CCSER1: variants seen among roughly 807,000 people sequenced by gnomAD.
CCSER1 encodes coiled-coil serine rich protein 1.
CCSER1 carries 41 observed loss-of-function variants against 82.0 expected under a neutral mutation model. That is an observed-to-expected ratio of 0.50 (90% CI 0.39 to 0.65). CCSER1 has a LOEUF of 0.65. CCSER1 is among the 30% of genes least tolerant of loss of function. The pLI is 0.00. For missense variants in CCSER1, 1,119 were observed against 1,064.2 expected (o/e 1.05, Z -0.72); for synonymous variants, 414 against 383.9 (o/e 1.08, Z -0.92).
chr4:90,975,840 C>T (rs1735564337), intron 9 of CCSER1, among the ~76,000 whole-genome samples: 1 of 150,962 alleles, frequency 6.6e-6, no homozygotes, highest in Non-Finnish European at 1.5e-5. Context: ...TTTTCTAATA[C>T]AAAATACTCA....
At chr4:91,449,676 A>G (rs989753863) in intron 10 of CCSER1, among the ~76,000 whole-genome samples, 1 of 152,016 alleles carries the variant, frequency 6.6e-6, no homozygotes, top group East Asian at 1.9e-4. Context: ...ATCACTTTTC[A>G]GTCCCTAATA....
chr4:90,875,529 T>G (rs2150048900), intron 8 of CCSER1, among the ~76,000 whole-genome samples: 1 of 152,330 alleles, frequency 6.6e-6, no homozygotes, highest in South Asian at 2.1e-4. Context: ...TGATGCTCTT[T>G]TAAAACCTGA....
At chr4:90,436,659 CA>C (rs1245267743) in intron 4 of CCSER1, among the ~76,000 whole-genome samples, 2 of 151,940 alleles carry the variant, frequency 1.3e-5, no homozygotes, top group Admixed American at 6.6e-5. Context: ...GTTTATATCA[CA>C]AAAAATTGAT....
intron 9 of CCSER1, among the ~76,000 whole-genome samples, chr4:91,077,314 T>A (rs1016566568): frequency 2.0e-5 from 3 of 152,164 alleles, no homozygotes; most frequent in Non-Finnish European, 4.4e-5. Context: ...CACAGGTAAC[T>A]TAACTGCCTG....
chr4:90,155,766 C>T (rs1200671779), intron 1 of CCSER1, among the ~76,000 whole-genome samples: 4 of 151,876 alleles, frequency 2.6e-5, no homozygotes, highest in East Asian at 3.9e-4. Flanking sequence ...TCTCTTTTTT[C>T]TTCTTTATTA....
intron 1 of CCSER1, among the ~76,000 whole-genome samples, chr4:90,245,516 C>T (rs1721266433): frequency 6.6e-6 from 1 of 152,010 alleles, no homozygotes; most frequent in African/African-American, 2.4e-5. Context: ...TTATAACAGC[C>T]CATTGTTAGT....
chr4:90,424,311 A>G (rs1448715941), intron 4 of CCSER1, among the ~76,000 whole-genome samples: 1 of 152,152 alleles, frequency 6.6e-6, no homozygotes, highest in Non-Finnish European at 1.5e-5. Flanking sequence ...TAATTCATGT[A>G]TCATTGCCTT....
intron 1 of CCSER1, among the ~76,000 whole-genome samples, chr4:90,279,029 T>A (rs1333757165): frequency 6.6e-6 from 1 of 152,102 alleles, no homozygotes; most frequent in African/African-American, 2.4e-5. Context: ...CAATTTTTCC[T>A]TTATTGCCCA....
At chr4:91,073,053 C>CT (rs1474751147) in intron 9 of CCSER1, among the ~76,000 whole-genome samples, 1 of 151,888 alleles carries the variant, frequency 6.6e-6, no homozygotes, top group Admixed American at 6.6e-5. Flanking sequence ...GACATATATT[C>CT]TTTTTTTAAA....
chr4:90,925,572 A>G (rs1728955682), intron 9 of CCSER1, among the ~76,000 whole-genome samples: 1 of 152,168 alleles, frequency 6.6e-6, no homozygotes, highest in African/African-American at 2.4e-5. Flanking sequence ...TTATCTGTGG[A>G]TAGTTATTCT....
chr4:91,100,400 G>T (rs1724941194), intron 10 of CCSER1, among the ~76,000 whole-genome samples: 1 of 151,920 alleles, frequency 6.6e-6, no homozygotes, highest in South Asian at 2.1e-4. Flanking sequence ...TATATAATCA[G>T]GTCTTTCCTT....
At chr4:91,262,618 TC>T (rs1408410919) in intron 10 of CCSER1, among the ~76,000 whole-genome samples, 1 of 152,098 alleles carries the variant, frequency 6.6e-6, no homozygotes, top group Non-Finnish European at 1.5e-5. Context: ...AAAACACATT[TC>T]TATTACATTC....
rs546440445 is a variant in CCSER1 at position 91,548,165 on chromosome 4, C to A, written c.2218-50407C>A. Among the ~76,000 whole-genome samples the A allele has an allele frequency of 2.0e-5, 3 of 152,256 alleles. No homozygotes were observed. In the South Asian group the frequency reaches 6.2e-4, roughly 32 times the overall value. On this transcript the variant is annotated intron_variant, in intron 10 of 10. Coordinates refer to ENST00000509176, the MANE Select transcript of CCSER1 (RefSeq NM_001145065.2). The stretch of plus-strand genomic sequence containing the variant: ...AATATCAGTGATACTTTGTTACTAT[C>A]TTACTGGTTGCGCTAAAGTTTGCAA...
intron 10 of CCSER1, among the ~76,000 whole-genome samples, chr4:91,182,735 C>T (rs1734158760): frequency 6.6e-6 from 1 of 152,198 alleles, no homozygotes; most frequent in South Asian, 2.1e-4. Flanking sequence ...GGAAGACTCT[C>T]CTATTTGATG....
At chr4:90,232,359 A>C (rs1181294602) in intron 1 of CCSER1, among the ~76,000 whole-genome samples, 14 of 151,980 alleles carry the variant, frequency 9.2e-5, no homozygotes, top group South Asian at 2.1e-4. Flanking sequence ...CCTGACAAAA[A>C]CAAGCAATGG....
chr4:91,541,199 T>C (rs1014734028), intron 10 of CCSER1, among the ~76,000 whole-genome samples: 1 of 152,206 alleles, frequency 6.6e-6, no homozygotes, highest in African/African-American at 2.4e-5. Context: ...TCTACTTATT[T>C]AGTTCTTCAT....
intron 9 of CCSER1, among the ~76,000 whole-genome samples, chr4:91,062,018 T>C (rs1456011586): frequency 6.6e-6 from 1 of 152,082 alleles, no homozygotes; most frequent in Non-Finnish European, 1.5e-5. Flanking sequence ...TCTTAGTACA[T>C]TTCTGCATGC....
intron 10 of CCSER1, among the ~76,000 whole-genome samples, chr4:91,102,652 A>G (rs1725196444): frequency 6.6e-6 from 1 of 152,330 alleles, no homozygotes; most frequent in South Asian, 2.1e-4. Context: ...ACAAATGATA[A>G]TATTTATTTT....
At chr4:90,144,039 TGTAAA>T (rs1277309864) in intron 1 of CCSER1, among the ~76,000 whole-genome samples, 1 of 152,232 alleles carries the variant, frequency 6.6e-6, no homozygotes, top group African/African-American at 2.4e-5. Context: ...TCCCATTACT[TGTAAA>T]GCCACTTCAG....
Sources: allele counts gnomAD v4.1 joint callset (sites outside exome capture counted in the v4.1 genomes callset), GRCh38; gene constraint gnomAD v4.1.1; transcripts MANE v1.5; gene names NCBI Gene and HGNC (gene_info 2026-07-23, HGNC 2026-07-21).